The following TCF7L2 variants were observed in gnomAD, a reference collection of about 807,000 sequenced individuals.
The protein encoded by TCF7L2 is transcription factor 7-like 2.
TCF7L2 carries 23 observed loss-of-function variants against 77.9 expected under a neutral mutation model. That is an observed-to-expected ratio of 0.30 (90% CI 0.21 to 0.42). The LOEUF (loss-of-function observed/expected upper bound fraction) is 0.42, where lower values mean the gene tolerates loss of function less well. TCF7L2 is among the 10% of genes least tolerant of loss of function. TCF7L2 has a pLI of 1.00. For missense variants in TCF7L2, 654 were observed against 793.1 expected, an observed-to-expected ratio of 0.82 and a Z score of 2.11; for synonymous variants, 413 against 340.2, an observed-to-expected ratio of 1.21 and a Z score of -2.36.
intron 4 of TCF7L2, among the ~76,000 whole-genome samples, chr10:112,998,897 G>A (rs2043979677): frequency 6.6e-6 from 1 of 152,242 alleles, no homozygotes; most frequent in Non-Finnish European, 1.5e-5. Flanking sequence ...TTAAGATACT[G>A]ATCAGCAGTG....
intron 4 of TCF7L2, among the ~76,000 whole-genome samples, chr10:112,997,606 C>T (rs1306217577): frequency 1.3e-5 from 2 of 152,232 alleles, no homozygotes; most frequent in African/African-American, 4.8e-5. Context: ...CACCAACCTT[C>T]TCCCCCAGGA....
At chr10:113,066,547 A>C (rs2057290788) in intron 5 of TCF7L2, among the ~76,000 whole-genome samples, 1 of 152,218 alleles carries the variant, frequency 6.6e-6, no homozygotes, top group Non-Finnish European at 1.5e-5. Flanking sequence ...AATTTGAATA[A>C]AAGCTGTGCT....
chr10:113,089,688 T>C, intron 5 of TCF7L2: 3 of 1,082,446 alleles, frequency 2.8e-6, no homozygotes, highest in South Asian at 1.8e-5. Flanking sequence ...TGCCATGATG[T>C]CTGGGTGTGC....
chr10:113,107,515 G>T (rs1009322689), intron 5 of TCF7L2, among the ~76,000 whole-genome samples: 3 of 151,284 alleles, frequency 2.0e-5, no homozygotes, highest in East Asian at 1.9e-4. Flanking sequence ...AGGCCGAGGC[G>T]GGTGGATCAC....
chr10:113,034,201 G>A (rs538761093), intron 4 of TCF7L2, among the ~76,000 whole-genome samples: 48 of 152,258 alleles, frequency 3.2e-4, no homozygotes, highest in African/African-American at 1.0e-3. Flanking sequence ...ATAAGTGTCC[G>A]CTATTGGGTT....
chr10:113,022,104 T>G (rs12258274), intron 4 of TCF7L2, among the ~76,000 whole-genome samples: 9,228 of 152,270 alleles, frequency 0.061, 296 homozygotes, highest in Non-Finnish European at 0.072. Context: ...TTCTTTGAGA[T>G]TTTGTTTTCT....
intron 5 of TCF7L2, chr10:113,129,746 G>A (rs2066258443): frequency 8.0e-7 from 1 of 1,248,744 alleles, no homozygotes. Context: ...GGGAAGCTGG[G>A]AGGAAAAAGA....
At chr10:113,111,719 G>T (rs1205813398) in intron 5 of TCF7L2, among the ~76,000 whole-genome samples, 1 of 152,032 alleles carries the variant, frequency 6.6e-6, no homozygotes, top group African/African-American at 2.4e-5. Flanking sequence ...CTGAGTCCAG[G>T]AGGTGGAGGC....
At chr10:113,111,734 A>G (rs772173892) in intron 5 of TCF7L2, among the ~76,000 whole-genome samples, 4 of 152,064 alleles carry the variant, frequency 2.6e-5, no homozygotes, top group Non-Finnish European at 5.9e-5. Context: ...GGAGGCTGTA[A>G]TGAGCTGTGA....
At chr10:113,067,481 C>A (rs2057403226) in intron 5 of TCF7L2, among the ~76,000 whole-genome samples, 1 of 152,236 alleles carries the variant, frequency 6.6e-6, no homozygotes. Context: ...TCTTCCCCCA[C>A]AAGAAATATT....
At chr10:112,990,425 T>G (rs907591607) in intron 4 of TCF7L2, among the ~76,000 whole-genome samples, 1 of 152,152 alleles carries the variant, frequency 6.6e-6, no homozygotes. Flanking sequence ...ATTAGCTAGT[T>G]GGCCAGGCGC....
At chr10:113,140,260 G>A (rs1403387757) in intron 5 of TCF7L2, among the ~76,000 whole-genome samples, 1 of 152,076 alleles carries the variant, frequency 6.6e-6, no homozygotes, top group African/African-American at 2.4e-5. Context: ...GGACTGAGCG[G>A]GAGGTGGGGG....
At chr10:113,050,838 AC>A (rs1245093391) in intron 5 of TCF7L2, among the ~76,000 whole-genome samples, 3 of 152,062 alleles carry the variant, frequency 2.0e-5, no homozygotes, top group Admixed American at 2.0e-4. Flanking sequence ...TTCCCATCCC[AC>A]TTCTGAAAAG....
chr10:113,041,359 A>G lies in TCF7L2; in HGVS notation c.552+1233A>G, dbSNP rs2052412572. On this transcript the variant is annotated intron_variant, in intron 5 of 13. Transcript: ENST00000627217. ...TGCTCATAATTACATCTGCTCCTAT[A>G]AGGTCAAGATTTCAGGGCTGGAAGT... 2.0e-5 allele frequency among the ~76,000 whole-genome samples: 3 copies of G among 152,182 alleles called. No individual in the cohort carries two copies. The South Asian group carries it at 6.2e-4, about 31-fold the overall frequency.
At position 113,143,959 on chromosome 10, in the gene TCF7L2, C is replaced by T. The variant is rs1241370314; in HGVS notation, c.722C>T (p.Pro241Leu). 3.7e-6 allele frequency: 6 copies of T among 1,613,982 alleles called. No individual in the cohort carries two copies. The highest frequency in any genetic ancestry group is 1.3e-5 in the African/African-American group (1 of 74,898). The stretch of plus-strand genomic sequence containing the variant: ...CCTCCGCACCCTCCAGATATATCCC[C>T]GTATTACCCACTATCGCCTGGCACC... The change falls in exon 7 of 14, where the codon CCG (proline) becomes CTG (leucine). Residue 241 changes from proline to leucine, a missense_variant. Coordinates refer to ENST00000627217, the MANE Select transcript of TCF7L2 (RefSeq NM_001146274.2).
chr10:113,103,859 T>C (rs1424923991), intron 5 of TCF7L2, among the ~76,000 whole-genome samples: 7 of 152,164 alleles, frequency 4.6e-5, no homozygotes, highest in Admixed American at 4.6e-4. Context: ...GTTTCCATTA[T>C]ATGGACAGAG....
chr10:113,075,215 T>C (rs966985845), intron 5 of TCF7L2, among the ~76,000 whole-genome samples: 1 of 152,096 alleles, frequency 6.6e-6, no homozygotes, highest in Non-Finnish European at 1.5e-5. Context: ...TCCCAGCACT[T>C]TGGGAGGCAG....
At chr10:113,029,750 A>G (rs115864415) in intron 4 of TCF7L2, among the ~76,000 whole-genome samples, 1,908 of 151,898 alleles carry the variant, frequency 0.013, 44 homozygotes, top group African/African-American at 0.044. Flanking sequence ...TGGTCACACA[A>G]ACTCCTGACC....
intron 5 of TCF7L2, among the ~76,000 whole-genome samples, chr10:113,127,773 C>A (rs58272793): frequency 6.6e-6 from 1 of 150,888 alleles, no homozygotes; most frequent in East Asian, 1.9e-4. Context: ...TTCTGAGGAG[C>A]AGTTTTTAGT....
Sources: allele counts gnomAD v4.1 joint callset (sites outside exome capture counted in the v4.1 genomes callset), GRCh38; gene constraint gnomAD v4.1.1; transcripts MANE v1.5; gene names NCBI Gene and HGNC (gene_info 2026-07-23, HGNC 2026-07-21).